The following RDH13 variants were observed in gnomAD, a reference collection of about 807,000 sequenced individuals.
RDH13 encodes the protein retinol dehydrogenase 13 (all-trans and 9-cis).
RDH13 carries 35 observed loss-of-function variants against 28.3 expected under a neutral mutation model. The ratio of observed to expected loss-of-function variants is 1.24; its 90% CI spans 0.95 to 1.64. The LOEUF (loss-of-function observed/expected upper bound fraction) is 1.64. Among genes scored for constraint, RDH13 ranks in the 40% most tolerant of loss-of-function variants. RDH13 has a pLI of 0.00. For synonymous variants in RDH13, 229 were observed against 198.5 expected (o/e 1.15, Z -1.29); for missense variants, 514 against 446.3 (o/e 1.15, Z -1.37).
Position 55,058,736 on chromosome 19 carries a change from C to A in RDH13, c.184+421G>T, listed in dbSNP as rs141313731. On this transcript the variant is annotated intron_variant, in intron 2 of 6. Transcript: ENST00000415061. ...CACTCTGTCACCCAGGCTGGAGTGC[C>A]GTGGCGCCATCTCTGCTCACTGCAA... Among the ~76,000 whole-genome samples the A allele has an allele frequency of 3.7e-3, 556 of 152,102 alleles. 1 individual carries two copies. Among genetic ancestry groups the A allele is most frequent in the African/African-American group, 0.012 (510 of 41,514 alleles).
At chr19:55,056,934 A>G (rs1480862140) in intron 2 of RDH13, 126 bp from the exon 3 acceptor site, 2 of 818,790 alleles carry the variant, frequency 2.4e-6, no homozygotes, top group African/African-American at 3.4e-5. Context: ...ATTCTTCACA[A>G]AAGCCAAAAG....
At chr19:55,057,435 CTTT>C (rs35843215) in intron 2 of RDH13, among the ~76,000 whole-genome samples, 10 of 136,954 alleles carry the variant, frequency 7.3e-5, no homozygotes, top group South Asian at 4.7e-4. Context: ...CCATCCTCTC[CTTT>C]TTTTTTTTTT....
chr19:55,051,421 G>GTT (rs58069132), intron 3 of RDH13, among the ~76,000 whole-genome samples: 4 of 149,864 alleles, frequency 2.7e-5, no homozygotes, highest in African/African-American at 9.7e-5. Flanking sequence ...TTTTGTTTTG[G>GTT]TTTTTTTTCT....
In RDH13 at chr19:55,048,017, G is replaced by A. The variant is rs2075294416; in HGVS notation, c.658+312C>T. The A allele has an allele frequency of 3.5e-6, 5 of 1,409,070 alleles. No homozygotes were observed. The South Asian group carries it at 7.1e-5, about 20-fold the overall frequency. 87.3% of individuals were successfully genotyped at this position (1,409,070 alleles called of 1,614,324 possible). ...GTGTTTCCAGGCATTGACAACTGCG[G>A]GTCAAAACTGCCCCTGGTTGAGACT... On this transcript the variant is annotated intron_variant, in intron 5 of 6. Transcript: ENST00000415061.
At chr19:55,047,082 G>A in intron 6 of RDH13, 2 of 1,272,706 alleles carry the variant, frequency 1.6e-6, no homozygotes, top group Non-Finnish European at 2.0e-6. Context: ...GGTGCAGCTG[G>A]TTTGGGGTGA....
rs1256581394 is a variant in RDH13, at chr19:55,044,731, T to C, written c.*343A>G. The C allele has an allele frequency of 3.0e-6, 1 of 328,832 alleles. No individual in the cohort carries two copies. Among genetic ancestry groups the C allele is most frequent in the Non-Finnish European group, 5.5e-6 (1 of 181,022 alleles). 20.4% of individuals were successfully genotyped at this position (328,832 alleles called of 1,614,324 possible). ...TGCCCATGCTCTTCACGGAGCACCT[T>C]GGAACCCTCCCCGACAGGCACCGCT... On this transcript the variant is annotated 3_prime_UTR_variant, in exon 7 of 7. Transcript: ENST00000415061.
downstream of RDH13, chr19:55,042,541 G>C (rs923593080): frequency 2.6e-5 from 4 of 152,016 alleles, no homozygotes; most frequent in African/African-American, 7.2e-5. Flanking sequence ...AGAACCAAAG[G>C]CTTTGAGGTT....
chr19:55,060,626 C>T (rs1020806868), intron 1 of RDH13, among the ~76,000 whole-genome samples: 1 of 152,142 alleles, frequency 6.6e-6, no homozygotes. Context: ...TATTTCTTTT[C>T]TCAGTCTCTC....
intron 3 of RDH13, chr19:55,050,699 C>T (rs2075399257): frequency 6.6e-6 from 1 of 152,202 alleles, no homozygotes; most frequent in South Asian, 2.1e-4. Flanking sequence ...TAAACACCCA[C>T]CTCTAAATGA....
intron 2 of RDH13, among the ~76,000 whole-genome samples, chr19:55,057,813 A>ATT (rs35480304): frequency 1.2e-3 from 173 of 142,066 alleles, no homozygotes; most frequent in South Asian, 5.2e-3. Context: ...GTTTATTATT[A>ATT]TTTTTTTTTT....
upstream of RDH13, chr19:55,063,218 C>T (rs1242376249): frequency 3.3e-5 from 15 of 458,546 alleles, no homozygotes; most frequent in Non-Finnish European, 5.6e-5. Context: ...GGCGGGGATC[C>T]TAGGGACGGG....
At chr19:55,061,809 A>C (rs1328346495) in intron 1 of RDH13, among the ~76,000 whole-genome samples, 4 of 148,136 alleles carry the variant, frequency 2.7e-5, no homozygotes, top group Non-Finnish European at 6.0e-5. Context: ...AAAAAAGACT[A>C]CATGATAATC....
At position 55,045,456 on chromosome 19, in the gene RDH13, C is replaced by G; in HGVS notation, c.761-147G>C. ...CCCTTGGCTGCCTCCATCTGCAGTT[C>G]CCTTCCCTGGCACTGCCCAGGCAAA... On this transcript the variant is annotated intron_variant, in intron 6 of 6. Transcript: ENST00000415061. 1.3e-5 allele frequency: 8 copies of G among 613,894 alleles called. No individual in the cohort carries two copies. The South Asian group carries it at 1.7e-4, about 13-fold the overall frequency. 38.0% of individuals were successfully genotyped at this position (613,894 alleles called of 1,614,324 possible). A position where few individuals can be genotyped will look rare whatever the true frequency, so the allele number is the denominator to read the frequency against.
chr19:55,053,333 T>TAA (rs147950783), intron 3 of RDH13, among the ~76,000 whole-genome samples: 13 of 151,968 alleles, frequency 8.6e-5, no homozygotes, highest in Non-Finnish European at 1.6e-4. Flanking sequence ...CTTGATTTGC[T>TAA]AAAAAAGTCA....
downstream of RDH13, chr19:55,039,547 A>G: frequency 6.8e-6 from 1 of 147,794 alleles, no homozygotes. Flanking sequence ...GACTGTCTCA[A>G]AAATAAAAAT....
downstream of RDH13, chr19:55,041,731 G>A (rs567049136): frequency 1.2e-4 from 19 of 152,352 alleles, no homozygotes; most frequent in South Asian, 4.1e-4. Context: ...GCAGGCAGCC[G>A]GACCTGTCCT....
intron 4 of RDH13, 25 bp downstream of exon 4, chr19:55,048,634 G>A: frequency 6.2e-7 from 1 of 1,612,160 alleles, no homozygotes; most frequent in South Asian, 1.1e-5. Flanking sequence ...TTGAACCCAT[G>A]GTGCAGCCCC....
chr19:55,047,227 A>G, intron 6 of RDH13, 160 bp downstream of exon 6: 1 of 1,415,902 alleles, frequency 7.1e-7, no homozygotes. Context: ...AGGCCAGGTC[A>G]ACGGAGGAAA....
At chr19:55,051,818 C>T (rs770453388) in intron 3 of RDH13, among the ~76,000 whole-genome samples, 2 of 151,870 alleles carry the variant, frequency 1.3e-5, no homozygotes, top group Admixed American at 6.6e-5. Flanking sequence ...CAGCAACCTC[C>T]GCCGCCAGGG....
Sources: gnomAD v4.1 joint callset for allele counts (sites outside exome capture counted in the v4.1 genomes callset) on GRCh38, gnomAD v4.1.1 for gene constraint, MANE v1.5 for transcripts, NCBI Gene and HGNC (gene_info 2026-07-23, HGNC 2026-07-21) for gene names.